Variants in R3HDM1 observed in about 807,000 individuals in gnomAD.
R3HDM1 encodes the protein R3H domain-containing protein 1.
Under a neutral mutation model 141.1 loss-of-function variants are expected in R3HDM1, and 46 were observed. The ratio of observed to expected loss-of-function variants is 0.33; its 90% CI spans 0.26 to 0.42. R3HDM1 has a LOEUF of 0.42. R3HDM1 is among the 10% of genes least tolerant of loss of function. The pLI is 1.00. For synonymous variants in R3HDM1, 435 were observed against 472.9 expected (o/e 0.92, Z 1.04); for missense variants, 1,184 against 1,368.3 (o/e 0.87, Z 2.12).
intron 1 of R3HDM1, among the ~76,000 whole-genome samples, chr2:135,593,757 A>G (rs145464994): frequency 3.8e-3 from 584 of 152,018 alleles, no homozygotes; most frequent in Middle Eastern, 0.014. Context: ...GTCTGACTCT[A>G]TCACCCAGGC....
chr2:135,668,254 T>A (rs2067820783), intron 19 of R3HDM1, among the ~76,000 whole-genome samples: 1 of 152,220 alleles, frequency 6.6e-6, no homozygotes, highest in Non-Finnish European at 1.5e-5. Context: ...GGAACAAATG[T>A]TAGCCTGTTA....
At chr2:135,534,079 A>G in intron 1 of R3HDM1, 8 of 959,102 alleles carry the variant, frequency 8.3e-6, no homozygotes, top group Non-Finnish European at 9.9e-6. Context: ...TTATATAGTG[A>G]CTTAAGCACA....
chr2:135,591,292 T>C (rs1709215855), intron 1 of R3HDM1, among the ~76,000 whole-genome samples: 1 of 152,178 alleles, frequency 6.6e-6, no homozygotes, highest in Non-Finnish European at 1.5e-5. Flanking sequence ...GAAATGTTGG[T>C]CATGGGTAAA....
intron 21 of R3HDM1, among the ~76,000 whole-genome samples, chr2:135,709,108 C>G (rs2075308237): frequency 6.6e-6 from 1 of 152,024 alleles, no homozygotes; most frequent in Admixed American, 6.6e-5. Flanking sequence ...TAGTCTCGCT[C>G]TGTCGCACAG....
chr2:135,715,903 T>C (rs2076111405), intron 24 of R3HDM1, among the ~76,000 whole-genome samples: 1 of 152,250 alleles, frequency 6.6e-6, no homozygotes, highest in Non-Finnish European at 1.5e-5. Flanking sequence ...TAATTACTTC[T>C]GTTTAGTAAT....
intron 3 of R3HDM1, chr2:135,605,642 T>G (rs916883848): frequency 3.3e-5 from 5 of 152,310 alleles, no homozygotes; most frequent in African/African-American, 1.2e-4. Context: ...CAGTTATCTA[T>G]TTTCTCAGAA....
At chr2:135,534,594 T>A (rs972393920) in intron 1 of R3HDM1, among the ~76,000 whole-genome samples, 10 of 152,238 alleles carry the variant, frequency 6.6e-5, no homozygotes, top group African/African-American at 2.4e-4. Context: ...ATGAAGTCTT[T>A]CTGACAGGAA....
At chr2:135,682,472 T>G (rs2070492962) in intron 21 of R3HDM1, among the ~76,000 whole-genome samples, 1 of 152,120 alleles carries the variant, frequency 6.6e-6, no homozygotes, top group Non-Finnish European at 1.5e-5. Flanking sequence ...CATAATTATG[T>G]TCCTGCCCCT....
At chr2:135,572,107 A>T (rs886396332) in intron 1 of R3HDM1, among the ~76,000 whole-genome samples, 1 of 151,992 alleles carries the variant, frequency 6.6e-6, no homozygotes, top group Non-Finnish European at 1.5e-5. Context: ...ACAGGCACAC[A>T]CCACCACGCC....
Position 135,549,583 on chromosome 2 carries a change from A to G in R3HDM1, c.-250+17950A>G, listed in dbSNP as rs1187820396. The stretch of plus-strand genomic sequence containing the variant: ...CCTCAAAAAAAAAAAAAAAAAAAAC[A>G]AAAACAAAATGGGGTCTTGCTATAT... On this transcript the variant is annotated intron_variant, in intron 1 of 26. Coordinates refer to ENST00000683871, the MANE Select transcript of R3HDM1 (RefSeq NM_001378107.1). 2.7e-5 allele frequency among the ~76,000 whole-genome samples: 4 copies of G among 149,140 alleles called. No homozygotes were observed. The South Asian group carries it at 6.3e-4, about 24-fold the overall frequency.
chr2:135,651,072 G>A, intron 17 of R3HDM1: 1 of 985,202 alleles, frequency 1.0e-6, no homozygotes. Flanking sequence ...TCTTGGTAGG[G>A]CACCATTTAG....
chr2:135,692,656 A>C (rs1388826698), intron 21 of R3HDM1, among the ~76,000 whole-genome samples: 2 of 152,148 alleles, frequency 1.3e-5, no homozygotes, highest in African/African-American at 4.8e-5. Flanking sequence ...TTAGGTTAGG[A>C]TAGAAAAAAA....
chr2:135,531,614 C>T lies in R3HDM1; in HGVS notation c.-269C>T. 2.0e-6 allele frequency: 2 copies of T among 987,100 alleles called. No individual in the cohort carries two copies. Among genetic ancestry groups the T allele is most frequent in the Non-Finnish European group, 2.4e-6 (2 of 830,934 alleles). 61.1% of individuals were successfully genotyped at this position (987,100 alleles called of 1,614,324 possible). A position where few individuals can be genotyped will look rare whatever the true frequency, so the allele number is the denominator to read the frequency against. On this transcript the variant is annotated 5_prime_UTR_variant, in exon 1 of 27. Coordinates refer to ENST00000683871, the MANE Select transcript of R3HDM1 (RefSeq NM_001378107.1). ...CCGCCGCGCCGCGCTCCAACCGCCT[C>T]CTCCTCCTCAGTAACGCGGGTAAGA...
chr2:135,605,025 G>A lies in R3HDM1; in HGVS notation c.171+9G>A, dbSNP rs772147254. On this transcript the variant is annotated intron_variant, in intron 3 of 26. Coordinates refer to ENST00000683871, the MANE Select transcript of R3HDM1 (RefSeq NM_001378107.1). ...ACAATATAGATTTGCAGGTAAACAG[G>A]AATTTTTCTCTGGCTACAAATACTA... The A allele has an allele frequency of 1.3e-6, 2 of 1,555,232 alleles. No homozygotes were observed. The highest frequency in any genetic ancestry group is 2.7e-5 in the African/African-American group (2 of 72,814).
chr2:135,715,707 G>C lies in R3HDM1; in HGVS notation c.2881+13G>C, dbSNP rs1376892177. On this transcript the variant is annotated intron_variant, in intron 24 of 26. Transcript: ENST00000683871. Reference sequence around the variant, plus strand: ...GTCCCCGGGCAAGGTAAGTGCACATGAAACTAGTCACAACTTCAGAGAATT... The same window carrying C: ...GTCCCCGGGCAAGGTAAGTGCACATCAAACTAGTCACAACTTCAGAGAATT... 1.9e-6 allele frequency: 3 copies of C among 1,605,592 alleles called. No individual in the cohort carries two copies. The highest frequency in any genetic ancestry group is 1.7e-5 in the Admixed American group (1 of 58,218).
In R3HDM1 at chr2:135,639,185, C is replaced by T. The variant is rs552228962; in HGVS notation, c.1219+63C>T. The T allele has an allele frequency of 1.5e-5, 22 of 1,478,820 alleles. No homozygotes were observed. In the South Asian group the frequency reaches 2.0e-4, roughly 14 times the overall value. The allele number at this position is 1,478,820 out of a possible 1,614,324, so 91.6% of individuals were successfully genotyped here. A position where few individuals can be genotyped will look rare whatever the true frequency, so the allele number is the denominator to read the frequency against. ...TAGTTTTCCTAATGTTGTCTCAGGT[C>T]CTTATTTATCAGATGGCTTCTAATT... On this transcript the variant is annotated intron_variant, in intron 14 of 26. Coordinates refer to ENST00000683871, the MANE Select transcript of R3HDM1 (RefSeq NM_001378107.1).
intron 16 of R3HDM1, among the ~76,000 whole-genome samples, chr2:135,648,867 G>A (rs1410766677): frequency 6.6e-6 from 1 of 150,926 alleles, no homozygotes; most frequent in African/African-American, 2.4e-5. Context: ...TTCATTAATG[G>A]CCAGAGATTT....
intron 9 of R3HDM1, among the ~76,000 whole-genome samples, chr2:135,634,651 T>C (rs533529457): frequency 1.3e-5 from 2 of 152,034 alleles, no homozygotes; most frequent in Non-Finnish European, 2.9e-5. Context: ...CTCTAAAAAA[T>C]TTTTTTAAAA....
At chr2:135,589,946 T>C (rs937766418) in intron 1 of R3HDM1, among the ~76,000 whole-genome samples, 2 of 152,114 alleles carry the variant, frequency 1.3e-5, no homozygotes, top group Non-Finnish European at 2.9e-5. Flanking sequence ...AGGATTCATG[T>C]ATAGGCTTCT....
Sources: allele counts gnomAD v4.1 joint callset (sites outside exome capture counted in the v4.1 genomes callset), GRCh38; gene constraint gnomAD v4.1.1; transcripts MANE v1.5; gene names NCBI Gene and HGNC (gene_info 2026-07-23, HGNC 2026-07-21).